Variants in ZNF609 observed in about 807,000 individuals in gnomAD.
ZNF609 encodes zinc finger protein 609.
ZNF609 carries 11 observed loss-of-function variants against 109.5 expected under a neutral mutation model. That is an observed-to-expected ratio of 0.10 (90% CI 0.06 to 0.17). The LOEUF is 0.17. Among genes scored for constraint, ZNF609 ranks in the 10% least tolerant of loss-of-function variants. ZNF609 has a pLI of 1.00. For missense variants in ZNF609, 1,559 were observed against 1,772.4 expected (o/e 0.88, Z 2.16); for synonymous variants, 646 against 662.0 (o/e 0.98, Z 0.37).
chr15:64,660,590 G>A (rs1480218464), intron 3 of ZNF609, among the ~76,000 whole-genome samples: 2 of 152,126 alleles, frequency 1.3e-5, no homozygotes, highest in African/African-American at 2.4e-5. Flanking sequence ...TTAAAAGCCT[G>A]CCAATCCCCA....
At position 64,534,317 on chromosome 15, in the gene ZNF609, A is replaced by AT. The variant is rs879896405; in HGVS notation, c.747+34163dup. On this transcript the variant is annotated intron_variant, in intron 2 of 9. Coordinates refer to ENST00000326648, the MANE Select transcript of ZNF609 (RefSeq NM_015042.2). ...TGAGCCACCACACCCAGCATTATTTATTTTTTTTTTTTAAGATAGAGTCTC... is the reference window on the plus strand; with the variant it reads ...TGAGCCACCACACCCAGCATTATTTATTTTTTTTTTTTTAAGATAGAGTCTC... Among the ~76,000 whole-genome samples the AT allele has an allele frequency of 2.2e-3, 261 of 119,224 alleles. 1 individual carries two copies. Among genetic ancestry groups the AT allele is most frequent in the East Asian group, 3.2e-3 (13 of 4,036 alleles). The allele number at this position is 119,224 out of a possible 152,430, so 78.2% of individuals were successfully genotyped here. A position where few individuals can be genotyped will look rare whatever the true frequency, so the allele number is the denominator to read the frequency against.
intron 2 of ZNF609, among the ~76,000 whole-genome samples, chr15:64,533,356 T>C (rs978119916): frequency 6.6e-6 from 1 of 152,154 alleles, no homozygotes; most frequent in African/African-American, 2.4e-5. Context: ...CCAGCCATAA[T>C]TGCTTCTTAT....
intron 2 of ZNF609, among the ~76,000 whole-genome samples, chr15:64,531,540 A>G (rs553132902): frequency 1.4e-3 from 210 of 152,054 alleles, no homozygotes; most frequent in African/African-American, 4.8e-3. Flanking sequence ...TGGGACTACA[A>G]ATGTGAGCCA....
intron 2 of ZNF609, among the ~76,000 whole-genome samples, chr15:64,522,862 C>A (rs557735097): frequency 5.5e-4 from 84 of 151,400 alleles, no homozygotes; most frequent in African/African-American, 2.0e-3. Flanking sequence ...AGAAACCCAT[C>A]TTTTTTCTGT....
In ZNF609 at chr15:64,646,713, C is replaced by T. The variant is rs149927032; in HGVS notation, c.974-23633C>T. On this transcript the variant is annotated intron_variant, in intron 3 of 9. Transcript: ENST00000326648. ...TAGCACTTTGGGAGGCCAAGACGGG[C>T]GGATCACTTGAGGTCAGGAGTTCGA... Among the ~76,000 whole-genome samples the T allele has an allele frequency of 3.8e-3, 543 of 142,932 alleles. 10 individuals carry two copies. The East Asian group carries it at 0.04, about 10-fold the overall frequency. The allele number at this position is 142,932 out of a possible 152,430, so 93.8% of individuals were successfully genotyped here.
At chr15:64,548,635 G>GT (rs776743906) in intron 2 of ZNF609, among the ~76,000 whole-genome samples, 2 of 152,158 alleles carry the variant, frequency 1.3e-5, no homozygotes, top group Admixed American at 6.6e-5. Context: ...GGGCATAGTA[G>GT]TATGTGCCTA....
At chr15:64,649,803 GTCT>G (rs1896388347) in intron 3 of ZNF609, among the ~76,000 whole-genome samples, 1 of 152,112 alleles carries the variant, frequency 6.6e-6, no homozygotes, top group Non-Finnish European at 1.5e-5. Flanking sequence ...TAAAAAGTAA[GTCT>G]TCTTTCCCTG....
intron 1 of ZNF609, among the ~76,000 whole-genome samples, chr15:64,495,822 C>CTT (rs749513249): frequency 1.6e-5 from 2 of 123,086 alleles, no homozygotes; most frequent in Non-Finnish European, 1.9e-5. Context: ...AACCTGTTAT[C>CTT]TTTTTTTTTT....
intron 1 of ZNF609, among the ~76,000 whole-genome samples, chr15:64,467,903 T>G (rs1049813072): frequency 1.3e-5 from 2 of 152,182 alleles, no homozygotes; most frequent in African/African-American, 4.8e-5. Flanking sequence ...AAATGTTGCT[T>G]CTTCTGTTCT....
intron 6 of ZNF609, among the ~76,000 whole-genome samples, chr15:64,679,308 G>A (rs1183326458): frequency 6.6e-6 from 1 of 152,188 alleles, no homozygotes; most frequent in African/African-American, 2.4e-5. Flanking sequence ...CCGACCTCAG[G>A]TGATCCGGCT....
intron 2 of ZNF609, among the ~76,000 whole-genome samples, chr15:64,511,802 C>T (rs1342134845): frequency 6.6e-6 from 1 of 151,070 alleles, no homozygotes; most frequent in Non-Finnish European, 1.5e-5. Context: ...GCAACCTCTG[C>T]CTCCTGGGTT....
intron 2 of ZNF609, among the ~76,000 whole-genome samples, chr15:64,559,472 C>T (rs1216819717): frequency 3.3e-5 from 5 of 152,146 alleles, no homozygotes; most frequent in South Asian, 2.1e-4. Flanking sequence ...ATCTGAGAAG[C>T]GGCCCTGTAG....
intron 1 of ZNF609, among the ~76,000 whole-genome samples, chr15:64,485,641 A>T (rs565818359): frequency 7.8e-4 from 116 of 149,440 alleles, no homozygotes; most frequent in African/African-American, 2.6e-3. Context: ...TGTCTACAAA[A>T]TTTTTTTTTT....
chr15:64,548,850 C>CA (rs1177893522), intron 2 of ZNF609, among the ~76,000 whole-genome samples: 1 of 152,144 alleles, frequency 6.6e-6, no homozygotes, highest in African/African-American at 2.4e-5. Flanking sequence ...TATGTCAAAA[C>CA]AACCTACTTG....
At chr15:64,499,195 G>T (rs1893522969) in intron 1 of ZNF609, 98 bp from the exon 2 acceptor site, 2 of 525,480 alleles carry the variant, frequency 3.8e-6, no homozygotes, top group Admixed American at 3.4e-5. Flanking sequence ...TGATATGATA[G>T]CCCCATAGGA....
chr15:64,569,205 TATC>T (rs1028541230), intron 2 of ZNF609, among the ~76,000 whole-genome samples: 3 of 152,242 alleles, frequency 2.0e-5, no homozygotes, highest in Non-Finnish European at 2.9e-5. Context: ...GTCCATATCA[TATC>T]ATGGTGTTTG....
At chr15:64,507,231 C>T (rs1042262848) in intron 2 of ZNF609, among the ~76,000 whole-genome samples, 3 of 152,192 alleles carry the variant, frequency 2.0e-5, no homozygotes, top group Non-Finnish European at 4.4e-5. Context: ...TTTGTTTCTA[C>T]ACAAGACTGC....
In ZNF609 at chr15:64,675,322, C is replaced by T. The variant is rs763933160; in HGVS notation, c.2468C>T (p.Thr823Ile). ...AACACTACCCCTACTCAGCCCCTGA[C>T]TCCCTTACATGTGGTGACCCAGAAT... Reference protein sequence around the residue: ...LENTTPTQPLTPLHVVTQNGA... With the variant: ...LENTTPTQPLIPLHVVTQNGA... Residue 823 changes from threonine (T) to isoleucine (I), a missense_variant, in exon 5 of 10, where the codon ACT becomes ATT. Thr to Ile is a moderately conservative substitution (Grantham distance 89). This residue lies in a region of ZNF609 where 1,204 missense variants were observed against 1,314.1 expected (regional missense o/e 0.92). Coordinates refer to ENST00000326648, the MANE Select transcript of ZNF609 (RefSeq NM_015042.2). 1 of 1,614,094 alleles carries T rather than the reference C, an allele frequency of 6.2e-7. No homozygotes were observed. Among genetic ancestry groups the T allele is most frequent in the South Asian group, 1.1e-5 (1 of 91,064 alleles).
chr15:64,474,987 T>C (rs183228543), intron 1 of ZNF609, among the ~76,000 whole-genome samples: 15 of 152,106 alleles, frequency 9.9e-5, no homozygotes. Context: ...AGATACGGGC[T>C]CTTGCTATGT....
Sources: allele counts gnomAD v4.1 joint callset (sites outside exome capture counted in the v4.1 genomes callset), GRCh38; gene constraint gnomAD v4.1.1; regional missense constraint gnomAD v4.1.1; transcripts MANE v1.5; gene names NCBI Gene and HGNC (gene_info 2026-07-23, HGNC 2026-07-21).